PDE1C: variants seen among roughly 807,000 people sequenced by gnomAD.
The protein encoded by PDE1C is dual specificity calcium/calmodulin-dependent 3',5'-cyclic nucleotide phosphodiesterase 1C.
Under a neutral mutation model 93.1 loss-of-function variants are expected in PDE1C, and 62 were observed. The observed-to-expected ratio is 0.67, with a 90% CI of 0.54 to 0.82. The LOEUF (loss-of-function observed/expected upper bound fraction) is 0.82, where lower values mean the gene tolerates loss of function less well. Among genes scored for constraint, PDE1C ranks in the 40% least tolerant of loss-of-function variants. The pLI, the probability that PDE1C is intolerant of heterozygous loss-of-function variation, is 0.00. For missense variants in PDE1C, 742 were observed against 884.6 expected (o/e 0.84, Z 2.04); for synonymous variants, 325 against 310.1 (o/e 1.05, Z -0.50).
intron 1 of PDE1C, among the ~76,000 whole-genome samples, chr7:32,386,268 T>C (rs1467786952): frequency 8.5e-6 from 1 of 117,198 alleles, no homozygotes; most frequent in Non-Finnish European, 1.7e-5. Context: ...AGAAAGAAAA[T>C]AAAAACCATG....
intron 2 of PDE1C, among the ~76,000 whole-genome samples, chr7:31,967,286 C>T (rs1403082100): frequency 9.2e-5 from 14 of 152,270 alleles, no homozygotes; most frequent in Admixed American, 3.9e-4. Context: ...ATATCACCAC[C>T]AATCCCACAG....
intron 2 of PDE1C, among the ~76,000 whole-genome samples, chr7:32,178,123 C>A (rs1803132593): frequency 1.3e-5 from 2 of 152,158 alleles, no homozygotes; most frequent in South Asian, 4.1e-4. Context: ...AAAAATAGGA[C>A]CAAGAGGAGG....
intron 11 of PDE1C, among the ~76,000 whole-genome samples, chr7:31,835,604 TAAC>T (rs984273350): frequency 2.0e-5 from 3 of 151,712 alleles, no homozygotes; most frequent in African/African-American, 7.3e-5. Flanking sequence ...TTGCATTTCC[TAAC>T]AAAAGGGTCT....
At chr7:32,227,635 T>C (rs1807391446) in intron 1 of PDE1C, among the ~76,000 whole-genome samples, 1 of 152,144 alleles carries the variant, frequency 6.6e-6, no homozygotes, top group African/African-American at 2.4e-5. Flanking sequence ...TGGCTCCCAA[T>C]AAGCCGCCTG....
intron 3 of PDE1C, among the ~76,000 whole-genome samples, chr7:32,134,534 A>G (rs966258739): frequency 2.0e-5 from 3 of 152,198 alleles, no homozygotes; most frequent in Non-Finnish European, 4.4e-5. Flanking sequence ...AATATATAGA[A>G]GAATGGGATG....
intron 3 of PDE1C, among the ~76,000 whole-genome samples, chr7:32,094,690 T>A (rs1005465888): frequency 1.3e-5 from 2 of 152,172 alleles, no homozygotes; most frequent in African/African-American, 2.4e-5. Flanking sequence ...AGTCCAGCGG[T>A]CCATTCAGCA....
chr7:31,981,861 AAGAC>A (rs1474824977), intron 2 of PDE1C, among the ~76,000 whole-genome samples: 1 of 152,256 alleles, frequency 6.6e-6, no homozygotes, highest in Admixed American at 6.5e-5. Flanking sequence ...AGAAAGAAAA[AAGAC>A]AGTTTCATAT....
chr7:32,190,557 T>C (rs1159238428), intron 2 of PDE1C, among the ~76,000 whole-genome samples: 2 of 152,242 alleles, frequency 1.3e-5, no homozygotes, highest in African/African-American at 4.8e-5. Context: ...GTAGAGTAAC[T>C]GAGTATGAAT....
chr7:31,861,904 G>A (rs1004448424), intron 7 of PDE1C, among the ~76,000 whole-genome samples: 9 of 152,128 alleles, frequency 5.9e-5, no homozygotes, highest in African/African-American at 1.4e-4. Flanking sequence ...ACTCATTAGC[G>A]TGGCCTGTAA....
intron 2 of PDE1C, among the ~76,000 whole-genome samples, chr7:31,894,393 A>C (rs941999716): frequency 6.6e-6 from 1 of 152,238 alleles, no homozygotes; most frequent in Admixed American, 6.5e-5. Context: ...ATGAAGTCTG[A>C]AAAATGGCTG....
At position 32,367,478 on chromosome 7, in the gene PDE1C, T is replaced by C. The variant is rs1425852680; in HGVS notation, c.310+60344A>G. Among the ~76,000 whole-genome samples, 6 of 152,100 alleles carry C rather than the reference T, an allele frequency of 3.9e-5. No individual in the cohort carries two copies. In the South Asian group the frequency reaches 1.0e-3, roughly 26 times the overall value. On this transcript the variant is annotated intron_variant, in intron 1 of 1. Transcript: ENST00000672256. ...AAAGATATATACCTGCTGAATAGAT[T>C]AAAAAGAAGAAACCAACAATATGCT...
At chr7:32,398,546 A>G (rs1434254525) in intron 1 of PDE1C, among the ~76,000 whole-genome samples, 1 of 151,548 alleles carries the variant, frequency 6.6e-6, no homozygotes, top group African/African-American at 2.4e-5. Flanking sequence ...ATGCCACCAA[A>G]CCCAGCTGAT....
chr7:31,930,848 C>CAAAAAA lies in PDE1C; in HGVS notation c.129-49994_129-49989dup, dbSNP rs56394903. 8.8e-3 allele frequency among the ~76,000 whole-genome samples: 288 copies of CAAAAAA among 32,644 alleles called. 56 individuals are homozygous for CAAAAAA. Among genetic ancestry groups the CAAAAAA allele is most frequent in the Non-Finnish European group, 0.011 (234 of 21,454 alleles). The allele number at this position is 32,644 out of a possible 152,430, so 21.4% of individuals were successfully genotyped here. On this transcript the variant is annotated intron_variant, in intron 2 of 17. Coordinates refer to ENST00000396191, the MANE Select transcript of PDE1C (RefSeq NM_001191057.4). The stretch of plus-strand genomic sequence containing the variant: ...TGGGCAACAGAGCAAGACTCTGTCT[C>CAAAAAA]AAAAAAAAAAAAAAAAAAAAAAAAA...
At chr7:31,749,113 G>C (rs1583915138), downstream of PDE1C, among the ~76,000 whole-genome samples, 1 of 152,116 alleles carries the variant, frequency 6.6e-6, no homozygotes. Flanking sequence ...TATTTCAAAA[G>C]CTTGGTGGCT....
At chr7:31,759,315 G>T (rs1381635217) in intron 17 of PDE1C, among the ~76,000 whole-genome samples, 2 of 152,066 alleles carry the variant, frequency 1.3e-5, no homozygotes, top group Non-Finnish European at 2.9e-5. Flanking sequence ...CTCATTAATT[G>T]TCTGGCTATA....
intron 3 of PDE1C, among the ~76,000 whole-genome samples, chr7:32,112,846 G>GTGTATATATA (rs1449055562): frequency 3.4e-5 from 2 of 59,162 alleles, no homozygotes; most frequent in Non-Finnish European, 6.6e-5. Flanking sequence ...GTGTGTGTGT[G>GTGTATATATA]TATATATATA....
intron 7 of PDE1C, chr7:31,851,034 C>A: frequency 3.1e-6 from 1 of 326,978 alleles, no homozygotes; most frequent in Non-Finnish European, 5.9e-6. Flanking sequence ...GCATCCTCCC[C>A]CAACTTCCAA....
At chr7:32,087,356 T>C (rs1797163173) in intron 3 of PDE1C, among the ~76,000 whole-genome samples, 1 of 152,120 alleles carries the variant, frequency 6.6e-6, no homozygotes, top group Admixed American at 6.5e-5. Flanking sequence ...AAACAACAGT[T>C]GCTGGAGAGG....
Position 31,864,313 on chromosome 7 carries a change from A to C in PDE1C, c.750+629T>G, listed in dbSNP as rs1795022601. Among the ~76,000 whole-genome samples, 4 of 152,274 alleles carry C rather than the reference A, an allele frequency of 2.6e-5. No homozygotes were observed. In the South Asian group the frequency reaches 8.3e-4, roughly 32 times the overall value. On this transcript the variant is annotated intron_variant, in intron 7 of 17. Coordinates refer to ENST00000396191, the MANE Select transcript of PDE1C (RefSeq NM_001191057.4). ...CGAGGCTGCAGTGAGCTATGATCTCACCATTGCACTCCAGCCTGGGTGATA... is the reference window on the plus strand; with the variant it reads ...CGAGGCTGCAGTGAGCTATGATCTCCCCATTGCACTCCAGCCTGGGTGATA...
Sources: gnomAD v4.1 joint callset for allele counts (sites outside exome capture counted in the v4.1 genomes callset) on GRCh38, gnomAD v4.1.1 for gene constraint, MANE v1.5 for transcripts, NCBI Gene and HGNC (gene_info 2026-07-23, HGNC 2026-07-21) for gene names.